The following GPR158 variants were observed in gnomAD, a reference collection of about 807,000 sequenced individuals.
GPR158 encodes the protein metabotropic glycine receptor.
GPR158 carries 30 observed loss-of-function variants against 78.2 expected under a neutral mutation model. That is an observed-to-expected ratio of 0.38 (90% CI 0.29 to 0.52). GPR158 has a LOEUF of 0.52. GPR158 is among the 20% of genes least tolerant of loss of function. The pLI is 0.83. For missense variants in GPR158, 1,463 were observed against 1,523.5 expected (o/e 0.96, Z 0.66); for synonymous variants, 581 against 591.1 (o/e 0.98, Z 0.25).
At chr10:25,422,072 T>C (rs1346371519) in intron 4 of GPR158, among the ~76,000 whole-genome samples, 2 of 152,304 alleles carry the variant, frequency 1.3e-5, no homozygotes, top group Non-Finnish European at 2.9e-5. Flanking sequence ...TAAATGGTAG[T>C]TTTAGATGCC....
At position 25,523,571 on chromosome 10, in the gene GPR158, G is replaced by A. The variant is rs528021071; in HGVS notation, c.1405-27405G>A. 3.9e-5 allele frequency among the ~76,000 whole-genome samples: 6 copies of A among 152,272 alleles called. No individual in the cohort carries two copies. In the East Asian group the frequency reaches 5.8e-4, roughly 15 times the overall value. On this transcript the variant is annotated intron_variant, in intron 5 of 10. Transcript: ENST00000376351. ...GTTTTGGTCAGTAGCTGGACTCCTC[G>A]AATTCTAATGTTTTTCTGCTACAGA...
At chr10:25,259,880 A>G (rs1853944909) in intron 2 of GPR158, among the ~76,000 whole-genome samples, 1 of 151,460 alleles carries the variant, frequency 6.6e-6, no homozygotes, top group East Asian at 1.9e-4. Context: ...CTTTTTTTTG[A>G]CTTTTGCTGA....
rs910073284 is a variant in GPR158 at position 25,601,772 on chromosome 10, G to T, written c.*2498G>T. 1 of 152,524 alleles carries T rather than the reference G, an allele frequency of 6.6e-6. No individual in the cohort carries two copies. Among genetic ancestry groups the T allele is most frequent in the East Asian group, 1.9e-4 (1 of 5,192 alleles). The allele number at this position is 152,524 out of a possible 1,614,324, so 9.4% of individuals were successfully genotyped here. On this transcript the variant is annotated 3_prime_UTR_variant, in exon 11 of 11. Transcript: ENST00000376351. ...TTTTAAGGTCGCAAACATTTGCTAG[G>T]TTGTCCTTCTCAATGCATGTGCAGG...
rs371864751 is a variant in GPR158, at chr10:25,551,034, G to A, written c.1463G>A (p.Arg488His). Residue 488 changes from arginine (R) to histidine (H), a missense_variant, in exon 6 of 11, where the codon CGT (arginine) becomes CAT (histidine). Transcript: ENST00000376351. The stretch of plus-strand genomic sequence containing the variant: ...CGCTGTATTCTCCTAAGATGGGCTC[G>A]TCTTCTCGGTTTTGCTACTGTTTAC... ...TFRCILLRWA[R>H]LLGFATVYGT... The A allele has an allele frequency of 1.5e-5, 24 of 1,610,730 alleles. No individual in the cohort carries two copies. The highest frequency in any genetic ancestry group is 1.2e-4 in the African/African-American group (9 of 74,788).
intron 4 of GPR158, among the ~76,000 whole-genome samples, chr10:25,421,887 A>G (rs1380756418): frequency 6.6e-6 from 1 of 152,100 alleles, no homozygotes; most frequent in Non-Finnish European, 1.5e-5. Context: ...ACAATTCTCT[A>G]ATGTTTTTTG....
intron 1 of GPR158, among the ~76,000 whole-genome samples, chr10:25,197,012 C>T (rs565991476): frequency 1.4e-4 from 22 of 152,308 alleles, no homozygotes; most frequent in South Asian, 6.2e-4. Flanking sequence ...CTTATCATCA[C>T]GATCCTGGAG....
intron 5 of GPR158, among the ~76,000 whole-genome samples, chr10:25,509,144 G>A (rs1329748437): frequency 3.9e-5 from 6 of 152,170 alleles, no homozygotes; most frequent in Non-Finnish European, 7.3e-5. Context: ...CTAAACACCA[G>A]AAGCACCGCC....
chr10:25,346,795 A>G (rs1330474252), intron 2 of GPR158, among the ~76,000 whole-genome samples: 1 of 151,986 alleles, frequency 6.6e-6, no homozygotes, highest in Non-Finnish European at 1.5e-5. Context: ...TCAACAATTG[A>G]TGAAAGATCT....
chr10:25,252,688 C>T lies in GPR158; in HGVS notation c.1008+31531C>T, dbSNP rs1288841154. ...CTGCCGGTTCTCAGATCTCCAGCTGCGTGCTGGGAGAACCACTGCTCCCTT... is the reference window on the plus strand; with the variant it reads ...CTGCCGGTTCTCAGATCTCCAGCTGTGTGCTGGGAGAACCACTGCTCCCTT... On this transcript the variant is annotated intron_variant, in intron 2 of 10. Transcript: ENST00000376351. 1.5e-3 allele frequency among the ~76,000 whole-genome samples: 221 copies of T among 152,236 alleles called. 1 individual carries two copies. Among genetic ancestry groups the T allele is most frequent in the African/African-American group, 4.8e-3 (200 of 41,530 alleles).
At position 25,407,109 on chromosome 10, in the gene GPR158, G is replaced by A. The variant is rs528869921; in HGVS notation, c.1112-5141G>A. 4.6e-5 allele frequency among the ~76,000 whole-genome samples: 7 copies of A among 152,124 alleles called. No homozygotes were observed. In the South Asian group the frequency reaches 8.3e-4, roughly 18 times the overall value. ...TATTTTACACCTTCTTTTAGGAGTCGTCTCCCAAATCAGATATCTATGTCC... is the reference window on the plus strand; with the variant it reads ...TATTTTACACCTTCTTTTAGGAGTCATCTCCCAAATCAGATATCTATGTCC... On this transcript the variant is annotated intron_variant, in intron 3 of 10. Coordinates refer to ENST00000376351, the MANE Select transcript of GPR158 (RefSeq NM_020752.3).
chr10:25,257,489 G>A (rs10828769), intron 2 of GPR158, among the ~76,000 whole-genome samples: 28,421 of 152,104 alleles, frequency 0.19, 3,239 homozygotes, highest in Middle Eastern at 0.27. Flanking sequence ...ATTTAGAGAA[G>A]GAAAGTAATA....
chr10:25,340,064 C>T (rs1005294878), intron 2 of GPR158, among the ~76,000 whole-genome samples: 3 of 151,996 alleles, frequency 2.0e-5, no homozygotes, highest in African/African-American at 7.2e-5. Flanking sequence ...CCCAGGTCAG[C>T]CATACTGATT....
At chr10:25,333,479 G>T (rs1221424626) in intron 2 of GPR158, among the ~76,000 whole-genome samples, 1 of 152,096 alleles carries the variant, frequency 6.6e-6, no homozygotes, top group Non-Finnish European at 1.5e-5. Flanking sequence ...AGTTTAAAAG[G>T]ATTTTCTTAA....
Position 25,395,929 on chromosome 10 carries a change from C to T in GPR158, c.1027C>T (p.Leu343=). 1 of 1,594,148 alleles carries T rather than the reference C, an allele frequency of 6.3e-7. No homozygotes were observed. The highest frequency in any genetic ancestry group is 2.2e-5 in the East Asian group (1 of 44,704). The change falls in exon 3 of 11, where the codon CTA becomes TTA. Residue 343 remains leucine, a synonymous_variant. Transcript: ENST00000376351. ...NNSECMPIKG[L]GFVLGAYECI... is the part of the protein sequence containing the mutation. ...TTCATAGTGTATGCCAATTAAAGGC[C>T]TAGGATTCGTTCTTGGAGCCTATGA... is the stretch of plus-strand genomic sequence containing the variant.
At chr10:25,366,811 AT>A (rs969188872) in intron 2 of GPR158, among the ~76,000 whole-genome samples, 3 of 147,024 alleles carry the variant, frequency 2.0e-5, no homozygotes, top group East Asian at 3.9e-4. Context: ...TATTGATTAA[AT>A]TTTTTTTGAT....
At chr10:25,217,089 G>A (rs1327290872) in intron 1 of GPR158, among the ~76,000 whole-genome samples, 2 of 152,184 alleles carry the variant, frequency 1.3e-5, no homozygotes, top group African/African-American at 4.8e-5. Flanking sequence ...ACTTGCATGG[G>A]AACTTTCTAA....
intron 4 of GPR158, among the ~76,000 whole-genome samples, chr10:25,413,064 T>C (rs1834614713): frequency 6.6e-6 from 1 of 152,192 alleles, no homozygotes; most frequent in African/African-American, 2.4e-5. Context: ...CTCATGCCTG[T>C]AATCTCAGCA....
chr10:25,502,422 G>A (rs1482199526), intron 5 of GPR158, among the ~76,000 whole-genome samples: 1 of 152,152 alleles, frequency 6.6e-6, no homozygotes, highest in Non-Finnish European at 1.5e-5. Flanking sequence ...CCCTGCGTGA[G>A]GCTGTCATTT....
At chr10:25,413,171 A>C (rs78428389) in intron 4 of GPR158, among the ~76,000 whole-genome samples, 1,739 of 152,220 alleles carry the variant, frequency 0.011, 34 homozygotes, top group African/African-American at 0.031. Context: ...AAAAAACACA[A>C]ATTTTTAAAA....
Sources: allele counts gnomAD v4.1 joint callset (sites outside exome capture counted in the v4.1 genomes callset), GRCh38; gene constraint gnomAD v4.1.1; transcripts MANE v1.5; gene names NCBI Gene and HGNC (gene_info 2026-07-23, HGNC 2026-07-21).